The following PCDH15 variants were observed in gnomAD, a reference collection of about 807,000 sequenced individuals.
The protein encoded by PCDH15 is protocadherin-15.
Under a neutral mutation model 178.5 loss-of-function variants are expected in PCDH15, and 129 were observed. The ratio of observed to expected loss-of-function variants is 0.72; its 90% CI spans 0.63 to 0.84. The LOEUF is 0.84. Among genes scored for constraint, PCDH15 ranks in the 40% least tolerant of loss-of-function variants. PCDH15 has a pLI of 0.00. For missense variants in PCDH15, 2,230 were observed against 2,099.9 expected (o/e 1.06, Z -1.21); for synonymous variants, 800 against 732.0 (o/e 1.09, Z -1.50).
At chr10:55,184,268 G>A (rs544405985) in intron 1 of PCDH15, among the ~76,000 whole-genome samples, 3 of 151,974 alleles carry the variant, frequency 2.0e-5, no homozygotes, top group Non-Finnish European at 2.9e-5. Flanking sequence ...TGGTGCATGT[G>A]AAATAACTAC....
At chr10:55,211,026 T>C (rs1014364124) in intron 1 of PCDH15, among the ~76,000 whole-genome samples, 3 of 151,966 alleles carry the variant, frequency 2.0e-5, no homozygotes, top group Non-Finnish European at 4.4e-5. Context: ...TCAGAACATA[T>C]TGATGTTTTT....
intron 25 of PCDH15, among the ~76,000 whole-genome samples, chr10:53,912,302 T>G (rs2133785959): frequency 6.6e-6 from 1 of 152,258 alleles, no homozygotes; most frequent in Non-Finnish European, 1.5e-5. Context: ...TTTCTCAAAA[T>G]AAGAGGTATT....
At chr10:53,950,923 C>G (rs1401909008) in intron 23 of PCDH15, among the ~76,000 whole-genome samples, 1 of 152,050 alleles carries the variant, frequency 6.6e-6, no homozygotes, top group African/African-American at 2.4e-5. Context: ...TGAGAGTATG[C>G]CTCTCAGATC....
At position 55,298,593 on chromosome 10, in the gene PCDH15, A is replaced by AT. The variant is rs71461290; in HGVS notation, c.-156+21005dup. 8.5e-4 allele frequency among the ~76,000 whole-genome samples: 126 copies of AT among 148,488 alleles called. 2 individuals carry two copies. The highest frequency in any genetic ancestry group is 2.0e-3 in the Admixed American group (29 of 14,846). ...CTGGATAGTGTCGACTTATTTATTT[A>AT]TTTTTTTTTTTAAGGAATTTCACTG... On this transcript the variant is annotated intron_variant, in intron 1 of 5. Transcript: ENST00000458638.
At chr10:55,437,599 A>G (rs1390725145) in intron 2 of PCDH15, among the ~76,000 whole-genome samples, 1 of 152,252 alleles carries the variant, frequency 6.6e-6, no homozygotes, top group Admixed American at 6.5e-5. Flanking sequence ...TATTCATTGA[A>G]GATATGACTC....
chr10:53,825,825 A>G (rs2076640862), intron 32 of PCDH15, among the ~76,000 whole-genome samples: 1 of 151,502 alleles, frequency 6.6e-6, no homozygotes, highest in Middle Eastern at 6.7e-3. Context: ...GAACTTACTT[A>G]AACTATTTCA....
chr10:54,698,166 G>T (rs191857765), intron 1 of PCDH15, among the ~76,000 whole-genome samples: 1 of 152,094 alleles, frequency 6.6e-6, no homozygotes, highest in African/African-American at 2.4e-5. Context: ...GTTTACATTC[G>T]CTTGACTGGA....
chr10:54,532,202 A>G (rs897460315), intron 2 of PCDH15, among the ~76,000 whole-genome samples: 2 of 152,138 alleles, frequency 1.3e-5, no homozygotes, highest in African/African-American at 4.8e-5. Flanking sequence ...AACCTTGCTT[A>G]TTTTTAAAAG....
chr10:54,267,508 T>A (rs2057768981), intron 8 of PCDH15, among the ~76,000 whole-genome samples: 2 of 151,900 alleles, frequency 1.3e-5, no homozygotes. Context: ...ATGATAGGAT[T>A]CTATACCTAG....
intron 8 of PCDH15, among the ~76,000 whole-genome samples, chr10:54,248,215 G>A (rs1257230626): frequency 6.6e-6 from 1 of 151,590 alleles, no homozygotes; most frequent in East Asian, 1.9e-4. Context: ...AATAATTGAG[G>A]AAGTAAAAAG....
chr10:55,440,282 T>TA (rs1358847283), intron 2 of PCDH15, among the ~76,000 whole-genome samples: 1 of 152,006 alleles, frequency 6.6e-6, no homozygotes, highest in African/African-American at 2.4e-5. Flanking sequence ...ACAATTAAAA[T>TA]AAATAAAAGG....
At chr10:53,854,990 C>G (rs1267386656) in intron 28 of PCDH15, among the ~76,000 whole-genome samples, 1 of 151,966 alleles carries the variant, frequency 6.6e-6, no homozygotes, top group African/African-American at 2.4e-5. Flanking sequence ...GCATTAAAAT[C>G]TTATAAATTC....
At chr10:55,183,171 G>A (rs567091288) in intron 1 of PCDH15, among the ~76,000 whole-genome samples, 2 of 152,026 alleles carry the variant, frequency 1.3e-5, no homozygotes, top group East Asian at 3.9e-4. Flanking sequence ...TTTAGAAATA[G>A]AATTTGAAGC....
At chr10:55,264,077 T>C (rs1159571461) in intron 1 of PCDH15, among the ~76,000 whole-genome samples, 2 of 152,116 alleles carry the variant, frequency 1.3e-5, no homozygotes, top group Non-Finnish European at 2.9e-5. Flanking sequence ...CTCCCAGCAC[T>C]GTTTCTGATT....
intron 2 of PCDH15, among the ~76,000 whole-genome samples, chr10:54,954,507 T>A (rs1056122526): frequency 2.0e-5 from 3 of 151,280 alleles, no homozygotes; most frequent in Non-Finnish European, 4.5e-5. Context: ...ATTTTGCTAA[T>A]TTTTTATGAC....
chr10:54,819,984 A>C (rs557821211), intron 3 of PCDH15, among the ~76,000 whole-genome samples: 1 of 146,718 alleles, frequency 6.8e-6, no homozygotes, highest in African/African-American at 2.5e-5. Context: ...TGATTAAAGT[A>C]GTATCAACTG....
At chr10:54,108,314 T>G (rs1208492774) in intron 15 of PCDH15, among the ~76,000 whole-genome samples, 1 of 152,132 alleles carries the variant, frequency 6.6e-6, no homozygotes, top group African/African-American at 2.4e-5. Context: ...AGAGAGGATC[T>G]GTGCACTTGA....
intron 2 of PCDH15, among the ~76,000 whole-genome samples, chr10:55,102,918 A>G (rs1433383295): frequency 2.6e-5 from 4 of 152,150 alleles, no homozygotes; most frequent in South Asian, 2.1e-4. Context: ...AAGTGAAACT[A>G]GATCATTATA....
At chr10:54,031,365 A>G (rs2093289522) in intron 18 of PCDH15, among the ~76,000 whole-genome samples, 1 of 152,080 alleles carries the variant, frequency 6.6e-6, no homozygotes, top group Admixed American at 6.6e-5. Flanking sequence ...TGCACATAGC[A>G]AAACTCACTT....
Sources: gnomAD v4.1 joint callset for allele counts (sites outside exome capture counted in the v4.1 genomes callset) on GRCh38, gnomAD v4.1.1 for gene constraint, MANE v1.5 for transcripts, NCBI Gene and HGNC (gene_info 2026-07-23, HGNC 2026-07-21) for gene names.